RTN1: variants seen among roughly 807,000 people sequenced by gnomAD.
RTN1 encodes reticulon 1.
RTN1 carries 25 observed loss-of-function variants against 65.5 expected under a neutral mutation model. The ratio of observed to expected loss-of-function variants is 0.38; its 90% confidence interval spans 0.28 to 0.53. The LOEUF (loss-of-function observed/expected upper bound fraction) is 0.53. RTN1 is among the 20% of genes least tolerant of loss of function. The pLI, the probability that RTN1 is intolerant of heterozygous loss-of-function variation, is 0.79. For missense variants in RTN1, 983 were observed against 1,025.4 expected, an observed-to-expected ratio of 0.96 and a Z score of 0.57; for synonymous variants, 471 against 447.6, an observed-to-expected ratio of 1.05 and a Z score of -0.66.
chr14:59,835,801 A>G (rs2139646682), intron 1 of RTN1, among the ~76,000 whole-genome samples: 1 of 152,324 alleles, frequency 6.6e-6, no homozygotes, highest in Non-Finnish European at 1.5e-5. Flanking sequence ...GATACAATTA[A>G]TGATAACAGG....
chr14:59,747,478 G>A (rs959728651), intron 1 of RTN1, among the ~76,000 whole-genome samples: 2 of 152,132 alleles, frequency 1.3e-5, no homozygotes, highest in Admixed American at 1.3e-4. Context: ...GCGTGTTGGC[G>A]CATGCCTGTA....
chr14:59,701,867 C>T (rs1017934698), intron 3 of RTN1, among the ~76,000 whole-genome samples: 24 of 152,198 alleles, frequency 1.6e-4, no homozygotes, highest in Middle Eastern at 3.4e-3. Context: ...AACAAATGAA[C>T]GAACACAAAT....
At chr14:59,780,285 T>C (rs1379271063) in intron 1 of RTN1, among the ~76,000 whole-genome samples, 1 of 152,178 alleles carries the variant, frequency 6.6e-6, no homozygotes, top group South Asian at 2.1e-4. Context: ...TCTCAGGAAA[T>C]ACAATGCTTA....
intron 3 of RTN1, among the ~76,000 whole-genome samples, chr14:59,616,138 G>A (rs1174371672): frequency 6.6e-6 from 1 of 152,146 alleles, no homozygotes; most frequent in South Asian, 2.1e-4. Flanking sequence ...TGTCAAATAT[G>A]AAATGGTGTT....
chr14:59,864,066 T>C (rs1224120526), intron 1 of RTN1, among the ~76,000 whole-genome samples: 4 of 152,164 alleles, frequency 2.6e-5, no homozygotes, highest in Admixed American at 2.6e-4. Context: ...GTGACTAGAG[T>C]GAGTCATTAA....
intron 3 of RTN1, among the ~76,000 whole-genome samples, chr14:59,690,148 T>TCACTTAAAAGG (rs1429594676): frequency 6.6e-6 from 1 of 151,750 alleles, no homozygotes; most frequent in Non-Finnish European, 1.5e-5. Context: ...CCTAAACACC[T>TCACTTAAAAGG]CACTTAAAAG....
intron 3 of RTN1, among the ~76,000 whole-genome samples, chr14:59,654,409 A>G (rs920147805): frequency 6.8e-6 from 1 of 146,438 alleles, no homozygotes; most frequent in Admixed American, 6.9e-5. Flanking sequence ...AGCCTGGGTG[A>G]CAGAGCGAGA....
chr14:59,626,644 A>T (rs536658351), intron 3 of RTN1, among the ~76,000 whole-genome samples: 5 of 152,216 alleles, frequency 3.3e-5, no homozygotes, highest in Admixed American at 6.5e-5. Context: ...AGGCTTCATG[A>T]TCATAATGTT....
At chr14:59,639,796 A>AT (rs1168978176) in intron 3 of RTN1, among the ~76,000 whole-genome samples, 3 of 152,046 alleles carry the variant, frequency 2.0e-5, no homozygotes, top group East Asian at 1.9e-4. Context: ...GACCACATGG[A>AT]TTTTTTTATT....
chr14:59,794,192 C>T lies in RTN1; in HGVS notation c.242-47711G>A, dbSNP rs754814621. 2.0e-5 allele frequency among the ~76,000 whole-genome samples: 3 copies of T among 152,134 alleles called. No homozygotes were observed. Among genetic ancestry groups the T allele is most frequent in the East Asian group, 1.9e-4 (1 of 5,184 alleles). ...TTATCTTGGCCGTAATGATTAATTC[C>T]GGTATAGACATGTGACTTAAAATTG... On this transcript the variant is annotated intron_variant, in intron 1 of 8. Transcript: ENST00000267484. This position sits in a 1 kb window ranked among gnomAD's most constrained non-coding sequence, Gnocchi z 5.1.
chr14:59,673,705 G>A (rs757044316), intron 3 of RTN1, among the ~76,000 whole-genome samples: 1 of 152,150 alleles, frequency 6.6e-6, no homozygotes, highest in Non-Finnish European at 1.5e-5. Context: ...AACAGAGAGA[G>A]AGGAGGGTAA....
At chr14:59,707,255 C>A (rs1382892350) in intron 3 of RTN1, among the ~76,000 whole-genome samples, 1 of 152,184 alleles carries the variant, frequency 6.6e-6, no homozygotes, top group Non-Finnish European at 1.5e-5. Flanking sequence ...TAACAAGAGC[C>A]TCAAGGCACA....
rs1005961547 is a variant in RTN1 at position 59,766,966 on chromosome 14, C to G, written c.242-20485G>C. Among the ~76,000 whole-genome samples the G allele has an allele frequency of 2.0e-5, 3 of 152,158 alleles. No homozygotes were observed. Among genetic ancestry groups the G allele is most frequent in the Admixed American group, 2.0e-4 (3 of 15,274 alleles). On this transcript the variant is annotated intron_variant, in intron 1 of 8. Transcript: ENST00000267484. This position sits in a 1 kb window ranked among gnomAD's most constrained non-coding sequence, Gnocchi z 4.4. ...ATGTGGTAGGTACTTATTCTAGTTT[C>G]TGGGGATTTAACAATGAATGAAACA...
intron 1 of RTN1, among the ~76,000 whole-genome samples, chr14:59,811,949 T>C (rs1314021110): frequency 6.6e-6 from 1 of 152,158 alleles, no homozygotes; most frequent in Non-Finnish European, 1.5e-5. Context: ...AATACTTCTT[T>C]AGTTAGGAAG....
rs1445062852 is a variant in RTN1 at position 59,608,832 on chromosome 14, T to A, written c.1766-1340A>T. Among the ~76,000 whole-genome samples the A allele has an allele frequency of 9.2e-5, 14 of 152,194 alleles. No homozygotes were observed. The East Asian group carries it at 2.7e-3, about 29-fold the overall frequency. On this transcript the variant is annotated intron_variant, in intron 3 of 8. Coordinates refer to ENST00000267484, the MANE Select transcript of RTN1 (RefSeq NM_021136.3). ...AATAGAGAAGAGGCTCACAAGCATGTTTTGGGGGTGAAACAGATCTTTTTT... is the reference window on the plus strand; with the variant it reads ...AATAGAGAAGAGGCTCACAAGCATGATTTGGGGGTGAAACAGATCTTTTTT...
chr14:59,712,222 A>G (rs1884438473), intron 3 of RTN1, among the ~76,000 whole-genome samples: 1 of 152,204 alleles, frequency 6.6e-6, no homozygotes, highest in African/African-American at 2.4e-5. Flanking sequence ...CCCAAAATAC[A>G]TAGGCCTAAA....
rs531942700 is a variant in RTN1 at position 59,870,085 on chromosome 14, C to T, written c.241+305G>A. Among the ~76,000 whole-genome samples the T allele has an allele frequency of 1.3e-5, 2 of 152,362 alleles. No individual in the cohort carries two copies. The highest frequency in any genetic ancestry group is 4.1e-4 in the South Asian group (2 of 4,830). ...CTGGCAGGAGGGAGAAACTTGTACC[C>T]AGACTCGCCAGCAGCCAGAATGCTG... On this transcript the variant is annotated intron_variant, in intron 1 of 8. Coordinates refer to ENST00000267484, the MANE Select transcript of RTN1 (RefSeq NM_021136.3). This position sits in a 1 kb window ranked among gnomAD's most constrained non-coding sequence, Gnocchi z 5.1.
intron 1 of RTN1, among the ~76,000 whole-genome samples, chr14:59,788,274 T>A (rs139949121): frequency 6.6e-6 from 1 of 152,334 alleles, no homozygotes; most frequent in East Asian, 1.9e-4. Flanking sequence ...TGGGTTTTTT[T>A]TCTTTTGAGA....
rs956055421 is a variant in RTN1, at chr14:59,816,521, C to T, written c.241+53869G>A. 3.9e-5 allele frequency among the ~76,000 whole-genome samples: 6 copies of T among 152,096 alleles called. No individual in the cohort carries two copies. Among genetic ancestry groups the T allele is most frequent in the African/African-American group, 1.2e-4 (5 of 41,400 alleles). On this transcript the variant is annotated intron_variant, in intron 1 of 8. Transcript: ENST00000267484. This position sits in a 1 kb window ranked among gnomAD's most constrained non-coding sequence, Gnocchi z 4.3. The stretch of plus-strand genomic sequence containing the variant: ...TAGGAGGCTTAATAAATATTTATTG[C>T]ACATAGAAATGAGTTTTGAGATGGA...
Sources: allele counts gnomAD v4.1 joint callset (sites outside exome capture counted in the v4.1 genomes callset), GRCh38; gene constraint gnomAD v4.1.1; non-coding constraint Gnocchi (gnomAD v3.1); transcripts MANE v1.5; gene names NCBI Gene and HGNC (gene_info 2026-07-23, HGNC 2026-07-21).